The following KIN variants were observed in gnomAD, a reference collection of about 807,000 sequenced individuals.
KIN encodes the protein Kin17 DNA and RNA binding protein.
In KIN, 47 loss-of-function variants were observed where a neutral mutation model predicts 63.0. The ratio of observed to expected loss-of-function variants is 0.75; its 90% CI spans 0.59 to 0.95. The LOEUF (loss-of-function observed/expected upper bound fraction) is 0.95. Ranked by LOEUF, KIN falls within the 40% of genes least tolerant of loss-of-function variation. The probability of loss-of-function intolerance (pLI) is 0.00; values close to 1 mark genes in which losing one functional copy is unlikely to be tolerated. For missense variants in KIN, 408 were observed against 460.9 expected (o/e 0.89, Z 1.05); for synonymous variants, 160 against 157.7 (o/e 1.01, Z -0.11).
At position 7,787,811 on chromosome 10, in the gene KIN, C is replaced by T. The variant is rs1207053860; in HGVS notation, c.114+9G>A. On this transcript the variant is annotated intron_variant, in intron 1 of 12. Coordinates refer to ENST00000379562, the MANE Select transcript of KIN (RefSeq NM_012311.4). ...CCTGGGAAGACGGGGCCACTCCGGG[C>T]CCACTCACCTCGTCCCGGCACTGCT... The T allele has an allele frequency of 2.5e-6, 4 of 1,598,048 alleles. No homozygotes were observed. In the African/African-American group the frequency reaches 4.0e-5, roughly 16 times the overall value.
intron 12 of KIN, 130 bp from the exon 13 acceptor site, chr10:7,756,272 T>A: frequency 3.9e-6 from 2 of 518,254 alleles, no homozygotes; most frequent in East Asian, 6.3e-5. Flanking sequence ...TTGTTAACAT[T>A]TGTATACATC....
Position 7,775,323 on chromosome 10 carries a change from G to A in KIN, c.607+428C>T, listed in dbSNP as rs553324388. 1.1e-4 allele frequency among the ~76,000 whole-genome samples: 16 copies of A among 152,292 alleles called. No homozygotes were observed. In the South Asian group the frequency reaches 1.7e-3, roughly 16 times the overall value. Reference sequence around the variant, plus strand: ...CAGTTCTGGCCAATGACATTTGAAAGGAAATCTATTGAAGGGAGGAGTGTC... The same window carrying A: ...CAGTTCTGGCCAATGACATTTGAAAAGAAATCTATTGAAGGGAGGAGTGTC... On this transcript the variant is annotated intron_variant, in intron 6 of 12. Transcript: ENST00000379562.
rs1171551288 is a variant in KIN at position 7,751,590 on chromosome 10, G to A, written c.*4490C>T. ...AAATAAAGATAAACTTAGTGCTGAA[G>A]AGGTAAATAGCACTACCTCTTAGTT... is the stretch of plus-strand genomic sequence containing the variant. On this transcript the variant is annotated 3_prime_UTR_variant, in exon 13 of 13. Transcript: ENST00000379562. The A allele has an allele frequency of 6.6e-6, 1 of 152,088 alleles. No homozygotes were observed. Among genetic ancestry groups the A allele is most frequent in the Non-Finnish European group, 1.5e-5 (1 of 68,020 alleles). 9.4% of individuals were successfully genotyped at this position (152,088 alleles called of 1,614,324 possible). A position where few individuals can be genotyped will look rare whatever the true frequency, so the allele number is the denominator to read the frequency against.
At chr10:7,763,493 C>A (rs181489987) in intron 10 of KIN, among the ~76,000 whole-genome samples, 2 of 152,312 alleles carry the variant, frequency 1.3e-5, no homozygotes, top group African/African-American at 4.8e-5. Context: ...GGCCTTCATA[C>A]ATACTATCTG....
At chr10:7,770,593 A>G (rs1481500883) in intron 7 of KIN, among the ~76,000 whole-genome samples, 1 of 152,126 alleles carries the variant, frequency 6.6e-6, no homozygotes, top group East Asian at 1.9e-4. Context: ...GGAAGCATCT[A>G]TTTTTTCCTG....
At chr10:7,774,700 C>A (rs1374479269) in intron 7 of KIN, 131 bp downstream of exon 7, 3 of 711,842 alleles carry the variant, frequency 4.2e-6, no homozygotes, top group South Asian at 1.9e-5. Context: ...AAAAACAACG[C>A]AACCAATAAA....
chr10:7,786,005 A>G (rs1588490732), intron 1 of KIN, among the ~76,000 whole-genome samples: 1 of 152,314 alleles, frequency 6.6e-6, no homozygotes, highest in Non-Finnish European at 1.5e-5. Context: ...GTCAAAACCC[A>G]TAGGATGTAC....
At chr10:7,769,939 C>T (rs969527984) in intron 7 of KIN, among the ~76,000 whole-genome samples, 4 of 151,938 alleles carry the variant, frequency 2.6e-5, no homozygotes, top group African/African-American at 9.7e-5. Flanking sequence ...CAGTGTAAAT[C>T]CTTTTTTTTG....
At chr10:7,787,768 TG>T in intron 1 of KIN, 51 bp downstream of exon 1, 1 of 1,416,444 alleles carries the variant, frequency 7.1e-7, no homozygotes, top group Non-Finnish European at 1.0e-6. Flanking sequence ...GACCTGATCC[TG>T]GATTGCCAGG....
intron 6 of KIN, among the ~76,000 whole-genome samples, chr10:7,775,251 C>G (rs576576285): frequency 2.0e-5 from 3 of 152,206 alleles, no homozygotes; most frequent in South Asian, 4.1e-4. Flanking sequence ...ATTGTCTAAT[C>G]CAATCAACAT....
Position 7,787,906 on chromosome 10 carries a change from TG to T in KIN, c.27del (p.Lys10ArgfsTer68). 6.2e-7 allele frequency: 1 copy of T among 1,614,092 alleles called. No individual in the cohort carries two copies. The highest frequency in any genetic ancestry group is 8.5e-7 in the Non-Finnish European group (1 of 1,179,888). On this transcript the variant is annotated frameshift_variant, in exon 1 of 13. Transcript: ENST00000379562. LOFTEE classifies it high-confidence loss of function. MGKSDFLT[P>X]KAIANRIKSK... ...GACTTGATCCTGTTGGCGATAGCCT[TG>T]GGAGTAAGAAAATCCGACTTCCCCA...
Position 7,775,750 on chromosome 10 carries a change from C to A in KIN, c.607+1G>T. ...AAAGAAAAAATAAAAAATAAAACTA[C>A]CTTTCTCTTCATCATTTTCTCTGCT... is the stretch of plus-strand genomic sequence containing the variant. On this transcript the variant is annotated splice_donor_variant, in intron 6 of 12. Coordinates refer to ENST00000379562, the MANE Select transcript of KIN (RefSeq NM_012311.4). LOFTEE classifies it high-confidence loss of function. The A allele has an allele frequency of 3.3e-6, 5 of 1,497,772 alleles. No homozygotes were observed. Among genetic ancestry groups the A allele is most frequent in the Non-Finnish European group, 4.5e-6 (5 of 1,101,254 alleles). The allele number at this position is 1,497,772 out of a possible 1,614,324, so 92.8% of individuals were successfully genotyped here.
At chr10:7,781,792 C>T (rs1478560697) in intron 2 of KIN, among the ~76,000 whole-genome samples, 1 of 149,356 alleles carries the variant, frequency 6.7e-6, no homozygotes, top group African/African-American at 2.5e-5. Flanking sequence ...CATGTTGGCT[C>T]ACACCTGTAA....
rs1187166248 is a variant in KIN at position 7,751,946 on chromosome 10, A to T, written c.*4134T>A. On this transcript the variant is annotated 3_prime_UTR_variant, in exon 13 of 13. Transcript: ENST00000379562. Reference sequence around the variant, plus strand: ...GCTACTCGGGAGGCTGAGGCAGGAGAATGGCGTGAACCCGGGAAGCGGAGC... The same window carrying T: ...GCTACTCGGGAGGCTGAGGCAGGAGTATGGCGTGAACCCGGGAAGCGGAGC... 2 of 26,758 alleles carry T rather than the reference A, an allele frequency of 7.5e-5. 1 individual carries two copies. Among genetic ancestry groups the T allele is most frequent in the South Asian group, 1.8e-3 (2 of 1,084 alleles). 1.7% of individuals were successfully genotyped at this position (26,758 alleles called of 1,614,324 possible).
rs1332796240 is a variant in KIN, at chr10:7,753,869, TTCTC to T, written c.*2207_*2210del. 2 of 308,456 alleles carry T rather than the reference TTCTC, an allele frequency of 6.5e-6. No individual in the cohort carries two copies. Among genetic ancestry groups the T allele is most frequent in the Admixed American group, 8.4e-5 (2 of 23,940 alleles). 19.1% of individuals were successfully genotyped at this position (308,456 alleles called of 1,614,324 possible). On this transcript the variant is annotated 3_prime_UTR_variant, in exon 13 of 13. Transcript: ENST00000379562. ...CTTACATTTCTGCTAACAGCATACGTTCTCCCATCTTCTGAGAATAGAAGCAATC... is the reference window on the plus strand; with the variant it reads ...CTTACATTTCTGCTAACAGCATACGTCCATCTTCTGAGAATAGAAGCAATC...
chr10:7,769,483 T>C (rs1782264582), intron 7 of KIN, 138 bp from the exon 8 acceptor site: 2 of 808,698 alleles, frequency 2.5e-6, no homozygotes, highest in Admixed American at 5.0e-5. Context: ...GGAGTCCCTG[T>C]CCACATCTCT....
chr10:7,770,219 C>T (rs1299608713), intron 7 of KIN, among the ~76,000 whole-genome samples: 2 of 152,248 alleles, frequency 1.3e-5, no homozygotes, highest in Non-Finnish European at 2.9e-5. Context: ...GCGTAAGCCA[C>T]CGTGCCCGGC....
chr10:7,768,639 C>G (rs375385434), intron 8 of KIN, among the ~76,000 whole-genome samples: 2 of 152,224 alleles, frequency 1.3e-5, no homozygotes, highest in African/African-American at 4.8e-5. Context: ...GGGAGGCCAA[C>G]CATGAAGGAC....
intron 8 of KIN, among the ~76,000 whole-genome samples, chr10:7,766,883 G>A (rs920248258): frequency 2.6e-5 from 4 of 151,892 alleles, no homozygotes; most frequent in African/African-American, 7.3e-5. Context: ...TTAGCCAGGC[G>A]TGGTGGTGCA....
Sources: allele counts gnomAD v4.1 joint callset (sites outside exome capture counted in the v4.1 genomes callset), GRCh38; gene constraint gnomAD v4.1.1; transcripts MANE v1.5; gene names NCBI Gene and HGNC (gene_info 2026-07-23, HGNC 2026-07-21).